OGFOD2: variants seen among roughly 807,000 people sequenced by gnomAD.
OGFOD2 encodes 2-oxoglutarate and iron dependent oxygenase domain containing 2.
In OGFOD2, 34 loss-of-function variants were observed where a neutral mutation model predicts 31.1. The ratio of observed to expected loss-of-function variants is 1.09; its 90% CI spans 0.83 to 1.45. OGFOD2 has a LOEUF of 1.45. OGFOD2 is among the 40% of genes most tolerant of loss of function. OGFOD2 has a pLI of 0.00. For synonymous variants in OGFOD2, 240 were observed against 192.3 expected, an observed-to-expected ratio of 1.25 and a Z score of -2.05; for missense variants, 537 against 433.9, an observed-to-expected ratio of 1.24 and a Z score of -2.11.
chr12:122,979,202 TGTC>T (rs1224909057), exon 7 of OGFOD2: 16 of 1,612,130 alleles, frequency 9.9e-6, no homozygotes, highest in African/African-American at 1.3e-5. Context: ...GTTGGAACCT[TGTC>T]GTCTGGCTCC....
upstream of OGFOD2, chr12:122,975,144 C>T (rs879594148): frequency 6.8e-5 from 34 of 500,428 alleles, no homozygotes; most frequent in Middle Eastern, 3.3e-4. Context: ...CCTTTTCCGC[C>T]CTTGGGAACT....
chr12:122,974,775 AC>A (rs2037356479), upstream of OGFOD2: 1 of 153,182 alleles, frequency 6.5e-6, no homozygotes, highest in Middle Eastern at 3.1e-3. Context: ...CCAGGCAGGG[AC>A]CCGGGGTAGA....
At chr12:122,977,408 G>GTTTCTTTATGATA in intron 4 of OGFOD2, 1 of 231,562 alleles carries the variant, frequency 4.3e-6, no homozygotes, top group Non-Finnish European at 8.8e-6. Context: ...GCGGAGGCCT[G>GTTTCTTTATGATA]CGGCCATGCC....
At chr12:122,975,565 A>C in intron 1 of OGFOD2, 182 bp downstream of exon 1, 1 of 590,960 alleles carries the variant, frequency 1.7e-6, no homozygotes, top group Admixed American at 2.9e-5. Context: ...TCCCTGTGAG[A>C]TTGTGAGGAA....
rs1304999550 is a variant in OGFOD2, at chr12:122,976,880, C to G, written c.313C>G (p.Leu105Val). ...TGTGTTTTGCTCCCAGGATGCAGCTCTGGCCCCCGAGTTCCTGGCCGTGAC... is the reference window on the plus strand; with the variant it reads ...TGTGTTTTGCTCCCAGGATGCAGCTGTGGCCCCCGAGTTCCTGGCCGTGAC... The change falls in exon 4 of 7, where the codon CTG (leucine) becomes GTG (valine). Residue 105 changes from leucine (L) to valine (V), a missense_variant. Physicochemically the swap from Leu to Val is conservative, Grantham distance 32. Coordinates refer to ENST00000228922, the Ensembl canonical transcript of OGFOD2. 3.1e-6 allele frequency: 5 copies of G among 1,606,036 alleles called. No individual in the cohort carries two copies. In the Admixed American group the frequency reaches 6.7e-5, roughly 21 times the overall value.
intron 4 of OGFOD2, chr12:122,978,227 C>T (rs946772427): frequency 3.7e-6 from 2 of 544,664 alleles, no homozygotes; most frequent in Admixed American, 3.2e-5. Flanking sequence ...GCCCTGTGGA[C>T]ACTTGTAGAG....
chr12:122,976,605 C>T (rs1362635313), intron 2 of OGFOD2, 49 bp from the exon 3 acceptor site: 2 of 1,405,842 alleles, frequency 1.4e-6, no homozygotes, highest in African/African-American at 2.8e-5. Context: ...GTACAGTGGC[C>T]TCAGGAGGAT....
At chr12:122,978,914 G>A in exon 6 of OGFOD2, 3 of 1,613,082 alleles carry the variant, frequency 1.9e-6, no homozygotes, top group Non-Finnish European at 2.5e-6. Flanking sequence ...AGGACCTGGA[G>A]CTGGGCTGCC....
Position 122,979,020 on chromosome 12 carries a change from T to C in OGFOD2, c.789+10T>C. On this transcript the variant is annotated intron_variant, in intron 6 of 6. Coordinates refer to ENST00000228922, the Ensembl canonical transcript of OGFOD2. ...TGGGGGCCTCTTCCAGGTGAGTGTG[T>C]GACCCATGCGGCAGGGCCTGGGGCA... 6.2e-7 allele frequency: 1 copy of C among 1,610,828 alleles called. No homozygotes were observed.
Position 122,975,380 on chromosome 12 carries a change from C to T in OGFOD2, c.129C>T (p.Gly43=), listed in dbSNP as rs756345087. 32 of 699,020 alleles carry T rather than the reference C, an allele frequency of 4.6e-5. 1 individual carries two copies. In the South Asian group the frequency reaches 4.6e-4, roughly 10 times the overall value. 43.3% of individuals were successfully genotyped at this position (699,020 alleles called of 1,614,324 possible). A position where few individuals can be genotyped will look rare whatever the true frequency, so the allele number is the denominator to read the frequency against. The change falls in exon 1 of 7, where the codon GGC becomes GGT. Residue 43 remains glycine (G), a synonymous_variant. Coordinates refer to ENST00000228922, the Ensembl canonical transcript of OGFOD2. Reference sequence around the variant, plus strand: ...AGCAGCAGCTGCGCCGGGACTACGGCCCGGTGAGTGGCCGCTGTCGTCCCT... The same window carrying T: ...AGCAGCAGCTGCGCCGGGACTACGGTCCGGTGAGTGGCCGCTGTCGTCCCT...
chr12:122,978,999 G>A (rs2037530377), exon 6 of OGFOD2: 6 of 1,612,792 alleles, frequency 3.7e-6, no homozygotes, highest in Non-Finnish European at 5.1e-6. Flanking sequence ...GTATTTTGGG[G>A]GCCTCTTCCA....
At chr12:122,979,380 G>C (rs1005949809) in exon 7 of OGFOD2, 1 of 1,568,810 alleles carries the variant, frequency 6.4e-7, no homozygotes, top group African/African-American at 1.4e-5. Flanking sequence ...GTGGCAGGCA[G>C]GTGAGGGCTC....
At chr12:122,978,566 C>T (rs1183925120) in exon 5 of OGFOD2, 11 of 1,612,414 alleles carry the variant, frequency 6.8e-6, no homozygotes, top group East Asian at 2.2e-5. Context: ...TGAACAACTA[C>T]GGGGTGGGTG....
intron 3 of OGFOD2, 40 bp downstream of exon 3, chr12:122,976,807 AGAG>A: frequency 6.2e-7 from 1 of 1,601,734 alleles, no homozygotes; most frequent in Non-Finnish European, 8.5e-7. Flanking sequence ...GGTACTGGAA[AGAG>A]GAGGTAGCAT....
upstream of OGFOD2, chr12:122,975,189 C>A (rs867000127): frequency 6.4e-5 from 33 of 519,188 alleles, no homozygotes; most frequent in Middle Eastern, 7.6e-3. Context: ...TCCGCGCCTC[C>A]CGCGGTTGGG....
At chr12:122,977,915 G>A (rs2037479031) in intron 4 of OGFOD2, 1 of 158,268 alleles carries the variant, frequency 6.3e-6, no homozygotes, top group Non-Finnish European at 1.4e-5. Flanking sequence ...CTGCACCCCT[G>A]GGCATTGGTG....
chr12:122,979,281 G>C (rs1180027326), exon 7 of OGFOD2: 1 of 1,612,808 alleles, frequency 6.2e-7, no homozygotes, highest in African/African-American at 1.3e-5. Flanking sequence ...GGTGGACGAT[G>C]AGGGCTTCGG....
At chr12:122,976,458 A>T in intron 2 of OGFOD2, 196 bp from the exon 3 acceptor site, 1 of 1,580,802 alleles carries the variant, frequency 6.3e-7, no homozygotes. Context: ...CTGAAACAGG[A>T]TGGGTCCCCT....
At chr12:122,979,296 G>A (rs1344721053) in exon 7 of OGFOD2, 1 of 1,612,772 alleles carries the variant, frequency 6.2e-7, no homozygotes. Context: ...CTTCGGTGAT[G>A]GCTTCACCCG....
Sources: gnomAD v4.1 joint callset for allele counts on GRCh38, gnomAD v4.1.1 for gene constraint, MANE v1.5 for transcripts, NCBI Gene and HGNC (gene_info 2026-07-23, HGNC 2026-07-21) for gene names.